Variants in CASD1 observed in about 807,000 individuals in gnomAD.
CASD1 encodes the protein N-acetylneuraminate (7)9-O-acetyltransferase.
In CASD1, 41 loss-of-function variants were observed where a neutral mutation model predicts 100.0. That is an observed-to-expected ratio of 0.41 (90% confidence interval 0.32 to 0.53). CASD1 has a LOEUF of 0.53. CASD1 is among the 20% of genes least tolerant of loss of function. The pLI is 0.25. For synonymous variants in CASD1, 321 were observed against 315.6 expected (o/e 1.02, Z -0.18); for missense variants, 774 against 948.7 (o/e 0.82, Z 2.42).
chr7:94,628,139 C>T, the CASD1 span: 2 of 674,290 alleles, frequency 3.0e-6, no homozygotes, highest in Non-Finnish European at 4.2e-6. Flanking sequence ...AATTACAATA[C>T]ACACACACAC....
At chr7:94,536,812 C>T (rs911716907) in intron 8 of CASD1, among the ~76,000 whole-genome samples, 1 of 152,084 alleles carries the variant, frequency 6.6e-6, no homozygotes, top group Non-Finnish European at 1.5e-5. Context: ...ACTCAACTTT[C>T]CCAGAATAAT....
intron 5 of CASD1, among the ~76,000 whole-genome samples, chr7:94,530,349 T>A (rs1403448025): frequency 6.6e-6 from 1 of 152,090 alleles, no homozygotes; most frequent in Non-Finnish European, 1.5e-5. Context: ...AAATGCTTCT[T>A]TATGTGTGTT....
chr7:94,584,391 G>A, the CASD1 span, among the ~76,000 whole-genome samples: 1 of 152,166 alleles, frequency 6.6e-6, no homozygotes, highest in African/African-American at 2.4e-5. Flanking sequence ...AACAGCAAGT[G>A]GCAATGCCCT....
chr7:94,618,954 A>C, the CASD1 span: 3 of 1,611,434 alleles, frequency 1.9e-6, no homozygotes, highest in Non-Finnish European at 2.5e-6. Flanking sequence ...GGCAACGGGA[A>C]GTCTAATTTT....
At chr7:94,603,281 A>G in the CASD1 span, 1 of 1,608,616 alleles carries the variant, frequency 6.2e-7, no homozygotes, top group East Asian at 2.2e-5. Flanking sequence ...AAACAAAATA[A>G]AAACTTACCA....
chr7:94,535,353 A>G lies in CASD1; in HGVS notation c.673A>G (p.Thr225Ala). 6.2e-7 allele frequency: 1 copy of G among 1,613,526 alleles called. No individual in the cohort carries two copies. Among genetic ancestry groups the G allele is most frequent in the Admixed American group, 1.7e-5 (1 of 60,008 alleles). The change falls in exon 8 of 18, where the codon ACT becomes GCT. Residue 225 changes from threonine to alanine, a missense_variant. Thr to Ala is a moderately conservative substitution (Grantham distance 58). Transcript: ENST00000297273. ...DLLSENRKMI[T>A]NEKIDAYNEA... ...ATTAAGTGAAAATAGGAAGATGATC[A>G]CTAATGAGAAGATAGATGCTTACAA... is the stretch of plus-strand genomic sequence containing the variant.
At chr7:94,602,331 A>T in the CASD1 span, among the ~76,000 whole-genome samples, 1 of 152,178 alleles carries the variant, frequency 6.6e-6, no homozygotes, top group Non-Finnish European at 1.5e-5. Flanking sequence ...GACAAGAGGC[A>T]TGAGAAGGAG....
At chr7:94,614,107 CAAAAAAAAAAA>C in the CASD1 span, among the ~76,000 whole-genome samples, 2 of 94,964 alleles carry the variant, frequency 2.1e-5, no homozygotes, top group African/African-American at 9.7e-5. Context: ...AAATTGAAAT[CAAAAAAAAAAA>C]AAAAAAAAAA....
At chr7:94,618,876 C>G in the CASD1 span, 3 of 1,614,030 alleles carry the variant, frequency 1.9e-6, no homozygotes, top group Non-Finnish European at 2.5e-6. Flanking sequence ...CCAAGAAAGT[C>G]TCCAAGAACC....
the CASD1 span, among the ~76,000 whole-genome samples, chr7:94,616,103 G>A: frequency 6.6e-6 from 1 of 152,054 alleles, no homozygotes; most frequent in South Asian, 2.1e-4. Context: ...GTTCTGCAGA[G>A]ATTAAAAAAA....
the CASD1 span, among the ~76,000 whole-genome samples, chr7:94,631,056 A>G: frequency 2.8e-4 from 43 of 152,118 alleles, no homozygotes; most frequent in African/African-American, 8.7e-4. Flanking sequence ...TACTAAAAAC[A>G]TAACTTCAAA....
chr7:94,539,079 C>T (rs200052802), intron 10 of CASD1, 23 bp downstream of exon 10: 145 of 1,414,208 alleles, frequency 1.0e-4, no homozygotes, highest in Non-Finnish European at 1.4e-4. Context: ...AATTTAAGTT[C>T]AGAAAGTATA....
the CASD1 span, among the ~76,000 whole-genome samples, chr7:94,582,744 C>G: frequency 6.6e-6 from 1 of 152,198 alleles, no homozygotes; most frequent in Admixed American, 6.5e-5. Context: ...GCATCAATTA[C>G]TTTCCCTTAT....
At chr7:94,549,993 A>G (rs759095511) in intron 14 of CASD1, among the ~76,000 whole-genome samples, 27 of 152,124 alleles carry the variant, frequency 1.8e-4, no homozygotes, top group Non-Finnish European at 3.4e-4. Context: ...TGAAGTATAC[A>G]TTAGAGAAAG....
chr7:94,601,443 C>CAAAAAA, the CASD1 span, among the ~76,000 whole-genome samples: 671 of 89,238 alleles, frequency 7.5e-3, 130 homozygotes, highest in African/African-American at 0.026. Context: ...ATCCCAGTAT[C>CAAAAAA]AAAAAAAAAA....
chr7:94,532,362 G>A (rs779363512), intron 5 of CASD1, among the ~76,000 whole-genome samples: 3 of 152,012 alleles, frequency 2.0e-5, no homozygotes, highest in African/African-American at 4.8e-5. Context: ...GAGTAAAATA[G>A]GGGTTACTTT....
At chr7:94,608,978 GGAGAA>G in the CASD1 span, among the ~76,000 whole-genome samples, 1 of 152,150 alleles carries the variant, frequency 6.6e-6, no homozygotes, top group Admixed American at 6.5e-5. Context: ...AGATAATAGA[GGAGAA>G]AATCGAGATG....
At position 94,555,539 on chromosome 7, in the gene CASD1, T is replaced by A; in HGVS notation, c.2175T>A (p.Gly725=). 6.2e-7 allele frequency: 1 copy of A among 1,612,928 alleles called. No individual in the cohort carries two copies. The highest frequency in any genetic ancestry group is 8.5e-7 in the Non-Finnish European group (1 of 1,179,544). ...TATGGCTGGCAGCGGACACAAGGGG[T>A]ATCTTGGTACTGATACCTGGAAACC... ...YHIWLAADTR[G]ILVLIPGNPM... is the part of the protein sequence containing the mutation. Residue 725 remains glycine, a synonymous_variant, in exon 18 of 18, where the codon GGT becomes GGA. Transcript: ENST00000297273.
At chr7:94,526,244 G>T (rs1794558987) in intron 3 of CASD1, among the ~76,000 whole-genome samples, 1 of 152,192 alleles carries the variant, frequency 6.6e-6, no homozygotes, top group South Asian at 2.1e-4. Context: ...AACAGGCTTT[G>T]CTCCACACAG....
Sources: allele counts gnomAD v4.1 joint callset (sites outside exome capture counted in the v4.1 genomes callset), GRCh38; gene constraint gnomAD v4.1.1; transcripts MANE v1.5; gene names NCBI Gene and HGNC (gene_info 2026-07-23, HGNC 2026-07-21).